The following PRKD3 variants were observed in gnomAD, a reference collection of about 807,000 sequenced individuals.
The protein encoded by PRKD3 is serine/threonine-protein kinase D3.
In PRKD3, 47 loss-of-function variants were observed where a neutral mutation model predicts 99.2. The ratio of observed to expected loss-of-function variants is 0.47; its 90% CI spans 0.38 to 0.60. The LOEUF is 0.60. Among genes scored for constraint, PRKD3 ranks in the 20% least tolerant of loss-of-function variants. PRKD3 has a pLI of 0.00. For missense variants in PRKD3, 1,019 were observed against 1,088.4 expected, an observed-to-expected ratio of 0.94 and a Z score of 0.90; for synonymous variants, 392 against 355.4, an observed-to-expected ratio of 1.10 and a Z score of -1.16.
rs370332962 is a variant in PRKD3 at position 37,313,942 on chromosome 2, T to C, written c.288+2295A>G. On this transcript the variant is annotated intron_variant, in intron 2 of 18. Transcript: ENST00000234179. Reference sequence around the variant, plus strand: ...ATCTGTAAGCTTCAGAACAAGATCTTGAAAAATTATATTGAAAAAGGGATC... The same window carrying C: ...ATCTGTAAGCTTCAGAACAAGATCTCGAAAAATTATATTGAAAAAGGGATC... Among the ~76,000 whole-genome samples the C allele has an allele frequency of 3.3e-5, 5 of 152,086 alleles. No individual in the cohort carries two copies. The East Asian group carries it at 9.6e-4, about 29-fold the overall frequency.
At chr2:37,289,149 A>G (rs1452412128) in intron 5 of PRKD3, among the ~76,000 whole-genome samples, 1 of 152,084 alleles carries the variant, frequency 6.6e-6, no homozygotes, top group Non-Finnish European at 1.5e-5. Flanking sequence ...AAGCAGTGGT[A>G]CAAGCCATAA....
At chr2:37,319,282 G>C (rs990650384) in intron 1 of PRKD3, among the ~76,000 whole-genome samples, 7 of 152,140 alleles carry the variant, frequency 4.6e-5, no homozygotes, top group Non-Finnish European at 7.4e-5. Flanking sequence ...AGTGTGGGTT[G>C]GATGTTAGTG....
intron 1 of PRKD3, among the ~76,000 whole-genome samples, chr2:37,319,815 T>G (rs1671802249): frequency 6.6e-6 from 1 of 152,172 alleles, no homozygotes; most frequent in African/African-American, 2.4e-5. Context: ...AAAAATGTGC[T>G]TAACAAAACC....
At chr2:37,323,294 C>A (rs1467433534) in intron 1 of PRKD3, among the ~76,000 whole-genome samples, 2 of 151,120 alleles carry the variant, frequency 1.3e-5, no homozygotes, top group Non-Finnish European at 2.9e-5. Flanking sequence ...TACTAAATTA[C>A]AGAACCTGAG....
intron 2 of PRKD3, among the ~76,000 whole-genome samples, chr2:37,299,540 ACAC>A (rs1670823647): frequency 1.3e-5 from 2 of 151,274 alleles, no homozygotes; most frequent in African/African-American, 4.9e-5. Flanking sequence ...ACACACACAC[ACAC>A]ACACACACAC....
chr2:37,306,963 T>A (rs137984067), intron 2 of PRKD3, among the ~76,000 whole-genome samples: 1 of 152,326 alleles, frequency 6.6e-6, no homozygotes, highest in East Asian at 1.9e-4. Flanking sequence ...CATTGTAGAT[T>A]TCTTCAAACT....
At chr2:37,324,591 C>A (rs1672039691) in intron 1 of PRKD3, 90 bp downstream of exon 1, 1 of 149,346 alleles carries the variant, frequency 6.7e-6, no homozygotes, top group South Asian at 2.1e-4. Context: ...GCCGCCGCCT[C>A]AGCCCGACGG....
At chr2:37,303,334 T>C (rs1671019447) in intron 2 of PRKD3, among the ~76,000 whole-genome samples, 2 of 152,132 alleles carry the variant, frequency 1.3e-5, no homozygotes, top group South Asian at 2.1e-4. Context: ...CAAGTGCCAG[T>C]ACCCCAAAAA....
Position 37,316,498 on chromosome 2 carries a change from T to C in PRKD3, c.27A>G (p.Ser9=). 6.2e-7 allele frequency: 1 copy of C among 1,612,854 alleles called. No homozygotes were observed. Among genetic ancestry groups the C allele is most frequent in the South Asian group, 1.1e-5 (1 of 90,764 alleles). MSANNSPP[S]AQKSVLPTAI... is the part of the protein sequence containing the mutation. ...CTGTGGGTAATACAGACTTCTGGGC[T>C]GATGGAGGGGAATTATTTGCAGACA... Residue 9 remains serine (S), a synonymous_variant, in exon 2 of 19, where the codon TCA becomes TCG. Coordinates refer to ENST00000234179, the MANE Select transcript of PRKD3 (RefSeq NM_005813.6).
chr2:37,307,675 A>G (rs1671222872), intron 2 of PRKD3, among the ~76,000 whole-genome samples: 1 of 152,210 alleles, frequency 6.6e-6, no homozygotes, highest in African/African-American at 2.4e-5. Context: ...AAATGTTGGA[A>G]GGGTTTCAAA....
intron 1 of PRKD3, among the ~76,000 whole-genome samples, chr2:37,320,603 T>C (rs1318404398): frequency 6.6e-6 from 1 of 151,938 alleles, no homozygotes; most frequent in Non-Finnish European, 1.5e-5. Flanking sequence ...GGCTCATTTT[T>C]GGATTTTTAG....
At chr2:37,253,492 ACTAAGTTCT>A in intron 18 of PRKD3, 142 bp from the exon 19 acceptor site, 1 of 540,342 alleles carries the variant, frequency 1.9e-6, no homozygotes, top group Non-Finnish European at 3.0e-6. Flanking sequence ...TCTACTATGT[ACTAAGTTCT>A]ACTTGTGATA....
chr2:37,308,813 T>C (rs1332183875), intron 2 of PRKD3, among the ~76,000 whole-genome samples: 1 of 147,914 alleles, frequency 6.8e-6, no homozygotes, highest in Non-Finnish European at 1.5e-5. Flanking sequence ...TAAAACTAGT[T>C]TTTTAAGCTC....
intron 2 of PRKD3, among the ~76,000 whole-genome samples, chr2:37,297,741 G>A (rs566818751): frequency 6.6e-6 from 1 of 152,186 alleles, no homozygotes; most frequent in South Asian, 2.1e-4. Flanking sequence ...CATTATTACT[G>A]GGGTAATGGG....
chr2:37,265,002 A>C (rs1251776282), intron 14 of PRKD3, among the ~76,000 whole-genome samples: 5 of 144,058 alleles, frequency 3.5e-5, no homozygotes. Context: ...CTGTAGTCTT[A>C]ATAATAATAT....
chr2:37,306,902 C>CA (rs1671194238), intron 2 of PRKD3, among the ~76,000 whole-genome samples: 2 of 152,234 alleles, frequency 1.3e-5, no homozygotes, highest in African/African-American at 4.8e-5. Context: ...ATCTAGGAGA[C>CA]AGTCATATTC....
chr2:37,320,675 G>A (rs765148723), intron 1 of PRKD3, among the ~76,000 whole-genome samples: 7 of 151,826 alleles, frequency 4.6e-5, no homozygotes, highest in Admixed American at 1.3e-4. Context: ...CAAGTGATCC[G>A]CCCATCTCGG....
rs1667433323 is a variant in PRKD3, at chr2:37,250,894, C to T, written c.*2283G>A. Reference sequence around the variant, plus strand: ...AAGACAAAAAGTTATGCAGGTTATACAGTATCTGGAATAATCATTCAACTC... The same window carrying T: ...AAGACAAAAAGTTATGCAGGTTATATAGTATCTGGAATAATCATTCAACTC... On this transcript the variant is annotated 3_prime_UTR_variant, in exon 19 of 19. Transcript: ENST00000234179. 6.6e-6 allele frequency: 1 copy of T among 152,636 alleles called. No homozygotes were observed. The highest frequency in any genetic ancestry group is 6.5e-5 in the Admixed American group (1 of 15,280). The allele number at this position is 152,636 out of a possible 1,614,324, so 9.5% of individuals were successfully genotyped here.
intron 12 of PRKD3, among the ~76,000 whole-genome samples, chr2:37,271,337 C>G (rs530976693): frequency 2.0e-5 from 3 of 152,156 alleles, no homozygotes; most frequent in Admixed American, 2.0e-4. Context: ...AATGACTGGA[C>G]AAATCAAAAT....
Sources: gnomAD v4.1 joint callset for allele counts (sites outside exome capture counted in the v4.1 genomes callset) on GRCh38, gnomAD v4.1.1 for gene constraint, MANE v1.5 for transcripts, NCBI Gene and HGNC (gene_info 2026-07-23, HGNC 2026-07-21) for gene names.